The following CD6 variants were observed in gnomAD, a reference collection of about 807,000 sequenced individuals.
The protein encoded by CD6 is T-cell differentiation antigen CD6.
In CD6, 53 loss-of-function variants were observed where a neutral mutation model predicts 75.3. That is an observed-to-expected ratio of 0.70 (90% CI 0.56 to 0.88). The LOEUF (loss-of-function observed/expected upper bound fraction) is 0.88, where lower values mean the gene tolerates loss of function less well. CD6 is among the 40% of genes least tolerant of loss of function. The pLI, the probability that CD6 is intolerant of heterozygous loss-of-function variation, is 0.00. For synonymous variants in CD6, 359 were observed against 381.5 expected (o/e 0.94, Z 0.69); for missense variants, 770 against 897.1 (o/e 0.86, Z 1.81).
chr11:60,999,220 C>G (rs1858458554), intron 1 of CD6, among the ~76,000 whole-genome samples: 1 of 151,960 alleles, frequency 6.6e-6, no homozygotes, highest in African/African-American at 2.4e-5. Flanking sequence ...CATGTATTTT[C>G]TTTTCCTATA....
rs551494886 is a variant in CD6, at chr11:60,987,545, G to GTGTGTGTGTGTACATGTA, written c.49+15635_49+15652dup. On this transcript the variant is annotated intron_variant, in intron 1 of 12. Coordinates refer to ENST00000313421, the MANE Select transcript of CD6 (RefSeq NM_006725.5). ...AGTGTGTATAGGGTGTGTGTGTAGGGTGTGTGTGTGTACATGTATGTATGT... is the reference window on the plus strand; with the variant it reads ...AGTGTGTATAGGGTGTGTGTGTAGGGTGTGTGTGTGTACATGTATGTGTGTGTGTACATGTATGTATGT... Among the ~76,000 whole-genome samples, 967 of 129,454 alleles carry GTGTGTGTGTGTACATGTA rather than the reference G, an allele frequency of 7.5e-3. 4 individuals are homozygous for GTGTGTGTGTGTACATGTA. The highest frequency in any genetic ancestry group is 0.026 in the Middle Eastern group (6 of 234). The allele number at this position is 129,454 out of a possible 152,430, so 84.9% of individuals were successfully genotyped here.
intron 1 of CD6, among the ~76,000 whole-genome samples, chr11:61,005,462 C>T (rs2135148910): frequency 6.6e-6 from 1 of 152,310 alleles, no homozygotes; most frequent in African/African-American, 2.4e-5. Context: ...AGCCATAAGG[C>T]CCAGGAAGAC....
At chr11:60,986,607 G>GA (rs2135048749) in intron 1 of CD6, among the ~76,000 whole-genome samples, 1 of 152,326 alleles carries the variant, frequency 6.6e-6, no homozygotes, top group Admixed American at 6.5e-5. Flanking sequence ...TCAGTTCCGA[G>GA]AAACACTTGT....
At chr11:61,005,153 C>T (rs1858788174) in intron 1 of CD6, among the ~76,000 whole-genome samples, 1 of 152,182 alleles carries the variant, frequency 6.6e-6, no homozygotes, top group Admixed American at 6.5e-5. Flanking sequence ...CACCAGGAAA[C>T]CTAGAATAGG....
Position 61,013,951 on chromosome 11 carries a change from CCCA to C in CD6, c.1331_1333del (p.Thr444del), listed in dbSNP as rs773119380. 72 of 1,613,462 alleles carry C rather than the reference CCCA, an allele frequency of 4.5e-5. No individual in the cohort carries two copies. Among genetic ancestry groups the C allele is most frequent in the African/African-American group, 1.3e-5 (1 of 74,920 alleles). ...CGTAATGGTGAACCACCAGCACCTA[CCCA>C]CCACCATCCCGGCAGGGAGCAATAG... is the stretch of plus-strand genomic sequence containing the variant. On this transcript the variant is annotated inframe_deletion, in exon 8 of 13. Coordinates refer to ENST00000313421, the MANE Select transcript of CD6 (RefSeq NM_006725.5).
At chr11:60,982,860 G>A (rs1857632055) in intron 1 of CD6, 3 of 406,324 alleles carry the variant, frequency 7.4e-6, no homozygotes, top group Non-Finnish European at 1.5e-5. Context: ...CTCTTCCCAC[G>A]CTGCCCAGCA....
Position 61,013,445 on chromosome 11 carries a change from A to G in CD6, c.1173A>G (p.Ile391Met). ...CAGAATCTTCTGTGACAGTGAAAAT[A>G]GAGAACAAGGAATCTCGGGAGCTAA... ...VTIESSVTVK[I>M]ENKESRELML... Residue 391 changes from isoleucine (I) to methionine (M), a missense_variant, in exon 7 of 13, where the codon ATA becomes ATG. Physicochemically the swap from Ile to Met is conservative, Grantham distance 10. Coordinates refer to ENST00000313421, the MANE Select transcript of CD6 (RefSeq NM_006725.5). 6.2e-7 allele frequency: 1 copy of G among 1,614,168 alleles called. No individual in the cohort carries two copies. Among genetic ancestry groups the G allele is most frequent in the African/African-American group, 1.3e-5 (1 of 75,056 alleles).
Position 61,007,942 on chromosome 11 carries a change from C to A in CD6, c.469+32C>A. On this transcript the variant is annotated intron_variant, in intron 3 of 12. Coordinates refer to ENST00000313421, the MANE Select transcript of CD6 (RefSeq NM_006725.5). The surrounding 1 kb of genome is among the most constrained non-coding windows in gnomAD (Gnocchi z 4.2). ...GCGCACCCCCTACACGGGCCCCCAC[C>A]TGCCCCACTCCCCAGGCCTTCAGCC... The A allele has an allele frequency of 1.6e-6, 2 of 1,260,022 alleles. No individual in the cohort carries two copies. The highest frequency in any genetic ancestry group is 2.0e-6 in the Non-Finnish European group (2 of 990,394). 78.1% of individuals were successfully genotyped at this position (1,260,022 alleles called of 1,614,324 possible).
chr11:60,982,597 C>T (rs917858202), intron 1 of CD6: 4 of 455,574 alleles, frequency 8.8e-6, no homozygotes, highest in African/African-American at 6.0e-5. Context: ...CTCGTTTTGC[C>T]TCCCTCCCTC....
At position 61,019,080 on chromosome 11, in the gene CD6, T is replaced by C. The variant is rs1859557995; in HGVS notation, c.1943-174T>C. 5.1e-5 allele frequency: 29 copies of C among 568,860 alleles called. 1 individual carries two copies. In the South Asian group the frequency reaches 6.4e-4, roughly 12 times the overall value. The allele number at this position is 568,860 out of a possible 1,614,324, so 35.2% of individuals were successfully genotyped here. Reference sequence around the variant, plus strand: ...GCCCTGAACCAGACAGACGAGGCTATTCCCTCAGTGCTGATGTTCTAGTCA... The same window carrying C: ...GCCCTGAACCAGACAGACGAGGCTACTCCCTCAGTGCTGATGTTCTAGTCA... On this transcript the variant is annotated intron_variant, in intron 12 of 12. Coordinates refer to ENST00000313421, the MANE Select transcript of CD6 (RefSeq NM_006725.5).
intron 1 of CD6, among the ~76,000 whole-genome samples, chr11:61,002,055 C>CA (rs1400762894): frequency 3.9e-5 from 6 of 152,112 alleles, no homozygotes; most frequent in South Asian, 4.1e-4. Flanking sequence ...CCTTGCTTCA[C>CA]AAAAAATGTA....
In CD6 at chr11:61,009,601, G is replaced by A. The variant is rs12360861; in HGVS notation, c.811G>A (p.Ala271Thr). The A allele has an allele frequency of 0.16, 262,335 of 1,610,542 alleles. 23,669 individuals are homozygous for A. The highest frequency in any genetic ancestry group is 0.19 in the Non-Finnish European group (222,488 of 1,178,560). The change falls in exon 5 of 13, where the codon GCT becomes ACT. Residue 271 changes from alanine (A) to threonine (T), a missense_variant. Transcript: ENST00000313421. ...CCAGTCCTGGCGCCTGACAGGGGGCGCTGACCGCTGCGAGGGGCAGGTGGA... is the reference window on the plus strand; with the variant it reads ...CCAGTCCTGGCGCCTGACAGGGGGCACTGACCGCTGCGAGGGGCAGGTGGA... ...EHQSWRLTGGADRCEGQVEVH... is the reference protein window; with the variant it reads ...EHQSWRLTGGTDRCEGQVEVH...
At chr11:61,002,199 G>A (rs371535653) in intron 1 of CD6, among the ~76,000 whole-genome samples, 1 of 152,156 alleles carries the variant, frequency 6.6e-6, no homozygotes, top group Non-Finnish European at 1.5e-5. Context: ...GACCGTAATT[G>A]ATTCAGCCGT....
At chr11:61,005,931 CAAAA>C (rs11461659) in intron 1 of CD6, among the ~76,000 whole-genome samples, 16 of 137,956 alleles carry the variant, frequency 1.2e-4, no homozygotes, top group Non-Finnish European at 2.2e-4. Flanking sequence ...AACTCTGTCT[CAAAA>C]AAAAAAAAAG....
intron 1 of CD6, among the ~76,000 whole-genome samples, chr11:60,991,976 C>T (rs189790258): frequency 4.6e-5 from 7 of 151,910 alleles, no homozygotes; most frequent in Non-Finnish European, 7.4e-5. Flanking sequence ...TCAAACTCCT[C>T]GGCCCAAGTG....
At chr11:60,972,970 G>A (rs1479745912) in intron 1 of CD6, among the ~76,000 whole-genome samples, 1 of 152,216 alleles carries the variant, frequency 6.6e-6, no homozygotes, top group Non-Finnish European at 1.5e-5. Flanking sequence ...CTCTGTGCAT[G>A]TAGCTTTGCC....
chr11:60,998,730 A>G (rs1799271155), intron 1 of CD6, among the ~76,000 whole-genome samples: 1 of 151,954 alleles, frequency 6.6e-6, no homozygotes, highest in African/African-American at 2.4e-5. Flanking sequence ...AGCTCACTGT[A>G]TTAGTACTTC....
intron 1 of CD6, among the ~76,000 whole-genome samples, chr11:60,981,386 A>ACCCCTCCC (rs1039843110): frequency 6.6e-6 from 1 of 151,454 alleles, no homozygotes; most frequent in Non-Finnish European, 1.5e-5. Context: ...TGGGCCGGGG[A>ACCCCTCCC]CCCCTCCCCA....
At chr11:61,009,476 T>A in intron 4 of CD6, 96 bp from the exon 5 acceptor site, 1 of 1,108,412 alleles carries the variant, frequency 9.0e-7, no homozygotes, top group Non-Finnish European at 1.2e-6. Context: ...GGAGACCAAA[T>A]GGCTGCATTG....
Sources: gnomAD v4.1 joint callset for allele counts (sites outside exome capture counted in the v4.1 genomes callset) on GRCh38, gnomAD v4.1.1 for gene constraint, Gnocchi (gnomAD v3.1) non-coding constraint, MANE v1.5 for transcripts, NCBI Gene and HGNC (gene_info 2026-07-23, HGNC 2026-07-21) for gene names.